Variants in ZC3H18 observed in about 807,000 individuals in gnomAD.
ZC3H18 encodes the protein zinc finger CCCH-type containing 18, also known as zinc finger CCCH domain-containing protein 18.
A neutral mutation model predicts 106.1 loss-of-function variants in ZC3H18; 8 were observed. The ratio of observed to expected loss-of-function variants is 0.08; its 90% CI spans 0.04 to 0.14. The LOEUF is 0.14. ZC3H18 is among the 10% of genes least tolerant of loss of function. The pLI is 1.00. For synonymous variants in ZC3H18, 635 were observed against 522.1 expected, an observed-to-expected ratio of 1.22 and a Z score of -2.95; for missense variants, 1,318 against 1,278.4, an observed-to-expected ratio of 1.03 and a Z score of -0.47.
chr16:88,589,522 T>G (rs1198839450), intron 3 of ZC3H18, among the ~76,000 whole-genome samples: 1 of 152,212 alleles, frequency 6.6e-6, no homozygotes, highest in Non-Finnish European at 1.5e-5. Context: ...TGGACAAACT[T>G]TGAAGACGTG....
chr16:88,575,835 T>C (rs1339222983), intron 1 of ZC3H18, among the ~76,000 whole-genome samples: 1 of 151,894 alleles, frequency 6.6e-6, no homozygotes, highest in Admixed American at 6.6e-5. Flanking sequence ...TGCGTCAGAC[T>C]CCCAAGTAGC....
chr16:88,596,078 C>A (rs975795475), intron 3 of ZC3H18, among the ~76,000 whole-genome samples: 2 of 152,106 alleles, frequency 1.3e-5, no homozygotes, highest in Admixed American at 6.6e-5. Flanking sequence ...GCGCTCAGCA[C>A]CCCCGGGCAG....
At chr16:88,611,132 T>G in intron 7 of ZC3H18, 136 bp from the exon 8 acceptor site, 5 of 674,534 alleles carry the variant, frequency 7.4e-6, no homozygotes, top group Non-Finnish European at 1.1e-5. Context: ...CACTTGGCGT[T>G]TTGTGTGTAG....
chr16:88,598,401 G>T, intron 4 of ZC3H18, 75 bp downstream of exon 4: 1 of 1,540,302 alleles, frequency 6.5e-7, no homozygotes, highest in Non-Finnish European at 8.7e-7. Context: ...CTTAAGACAA[G>T]TCACTGTGCC....
intron 6 of ZC3H18, among the ~76,000 whole-genome samples, chr16:88,607,373 A>G (rs1461149606): frequency 6.6e-6 from 1 of 152,252 alleles, no homozygotes; most frequent in South Asian, 2.1e-4. Flanking sequence ...GCGATTTTTC[A>G]TGTGAACTTG....
At chr16:88,611,151 G>A (rs1905249721) in intron 7 of ZC3H18, 117 bp from the exon 8 acceptor site, 4 of 682,656 alleles carry the variant, frequency 5.9e-6, no homozygotes, top group Non-Finnish European at 1.1e-5. Flanking sequence ...AGGTTTGTGG[G>A]GTACAGGTGT....
chr16:88,597,149 T>C (rs1026949946), intron 3 of ZC3H18, among the ~76,000 whole-genome samples: 1 of 152,206 alleles, frequency 6.6e-6, no homozygotes, highest in Non-Finnish European at 1.5e-5. Flanking sequence ...TCTTGATCTC[T>C]TGACGTCGTG....
chr16:88,628,426 C>T (rs1219107208), intron 15 of ZC3H18, among the ~76,000 whole-genome samples: 3 of 152,180 alleles, frequency 2.0e-5, no homozygotes, highest in Non-Finnish European at 2.9e-5. Flanking sequence ...CGTCCCTGTC[C>T]TCTGTCCTCA....
chr16:88,589,960 G>C (rs991491196), intron 3 of ZC3H18, among the ~76,000 whole-genome samples: 3 of 152,230 alleles, frequency 2.0e-5, no homozygotes, highest in Non-Finnish European at 4.4e-5. Flanking sequence ...TATGTGAATT[G>C]TGTCACAATT....
chr16:88,581,865 C>T (rs1426372818), intron 2 of ZC3H18, among the ~76,000 whole-genome samples: 30 of 152,208 alleles, frequency 2.0e-4, no homozygotes, highest in Admixed American at 1.6e-3. Flanking sequence ...TCTGATTTGC[C>T]GTTACAGTTG....
chr16:88,602,444 GCCTTAACCTCAGCCACATCTGC>G (rs1463163841), intron 6 of ZC3H18, among the ~76,000 whole-genome samples: 3 of 152,184 alleles, frequency 2.0e-5, no homozygotes, highest in African/African-American at 7.2e-5. Context: ...CTGGTGTGGT[GCCTTAACCTCAGCCACATCTGC>G]CCCCAGCAGC....
rs1376114596 is a variant in ZC3H18, at chr16:88,591,488, C to T, written c.688+4804C>T. 2.0e-5 allele frequency among the ~76,000 whole-genome samples: 3 copies of T among 151,940 alleles called. No homozygotes were observed. In the East Asian group the frequency reaches 5.8e-4, roughly 29 times the overall value. On this transcript the variant is annotated intron_variant, in intron 3 of 17. Transcript: ENST00000301011. Reference sequence around the variant, plus strand: ...TTGGGAGGCCAAAGCAGGAGAATCGCTTGAACCCAGTAGGTGGAGGTTGCA... The same window carrying T: ...TTGGGAGGCCAAAGCAGGAGAATCGTTTGAACCCAGTAGGTGGAGGTTGCA...
intron 3 of ZC3H18, among the ~76,000 whole-genome samples, chr16:88,589,509 A>G (rs529923448): frequency 4.6e-5 from 7 of 152,390 alleles, no homozygotes; most frequent in African/African-American, 1.7e-4. Flanking sequence ...TCATGCCACA[A>G]TGTGGACAAA....
intron 7 of ZC3H18, among the ~76,000 whole-genome samples, chr16:88,610,768 C>T (rs925518595): frequency 3.3e-5 from 5 of 152,236 alleles, no homozygotes; most frequent in African/African-American, 9.6e-5. Flanking sequence ...GCTCCAGAGG[C>T]AGGGCATGTG....
rs1344749730 is a variant in ZC3H18 at position 88,624,622 on chromosome 16, C to T, written c.1919C>T (p.Pro640Leu). 5.0e-6 allele frequency: 8 copies of T among 1,613,658 alleles called. No homozygotes were observed. The highest frequency in any genetic ancestry group is 1.7e-5 in the Admixed American group (1 of 60,006). ...GKAGEKSVKK[P>L]APPPAPPQAT... ...CACAGAGAGAAGTCAGTGAAGAAGC[C>T]GGCCCCGCCTCCAGCCCCACCACAG... The change falls in exon 12 of 18, where the codon CCG (proline) becomes CTG (leucine). Residue 640 changes from proline (P) to leucine (L), a missense_variant. By Grantham distance (98) the Pro-to-Leu change is moderately conservative. Around this residue, in one of 6 missense-constraint regions of ZC3H18, gnomAD observed 848 missense variants for 821.7 expected, o/e 1.03. Transcript: ENST00000301011.
chr16:88,586,466 G>T (rs1451922314), intron 2 of ZC3H18, 134 bp from the exon 3 acceptor site: 2 of 758,576 alleles, frequency 2.6e-6, no homozygotes, highest in African/African-American at 3.5e-5. Flanking sequence ...CTAAGATTTG[G>T]AAAATTGACG....
At chr16:88,616,955 C>T (rs1399515704) in intron 8 of ZC3H18, among the ~76,000 whole-genome samples, 1 of 152,154 alleles carries the variant, frequency 6.6e-6, no homozygotes, top group Non-Finnish European at 1.5e-5. Flanking sequence ...TTCACCACCC[C>T]AAGCTTCACG....
intron 12 of ZC3H18, 62 bp from the exon 13 acceptor site, chr16:88,625,140 G>A (rs1906221737): frequency 1.3e-6 from 2 of 1,542,434 alleles, no homozygotes; most frequent in African/African-American, 1.4e-5. Context: ...TGGTGGGGAG[G>A]GGAGGCCGCG....
At chr16:88,586,012 A>G (rs1416665234) in intron 2 of ZC3H18, among the ~76,000 whole-genome samples, 1 of 151,838 alleles carries the variant, frequency 6.6e-6, no homozygotes, top group African/African-American at 2.4e-5. Context: ...GCTTGGGGAG[A>G]GCACCAAGCA....
Sources: allele counts gnomAD v4.1 joint callset (sites outside exome capture counted in the v4.1 genomes callset), GRCh38; gene constraint gnomAD v4.1.1; regional missense constraint gnomAD v4.1.1; transcripts MANE v1.5; gene names NCBI Gene and HGNC (gene_info 2026-07-23, HGNC 2026-07-21).